The following ELN variants were observed in gnomAD, a reference collection of about 807,000 sequenced individuals.
ELN encodes the protein elastin.
Under a neutral mutation model 105.8 loss-of-function variants are expected in ELN, and 65 were observed. The ratio of observed to expected loss-of-function variants is 0.61; its 90% CI spans 0.50 to 0.75. ELN has a LOEUF of 0.75. Ranked by LOEUF, ELN falls within the 30% of genes least tolerant of loss-of-function variation. The probability of loss-of-function intolerance (pLI) is 0.00; values close to 1 mark genes in which losing one functional copy is unlikely to be tolerated. For synonymous variants in ELN, 368 were observed against 389.2 expected, an observed-to-expected ratio of 0.95 and a Z score of 0.64; for missense variants, 882 against 969.4, an observed-to-expected ratio of 0.91 and a Z score of 1.20.
At chr7:74,053,447 A>T (rs782006491) in intron 18 of ELN, 138 bp downstream of exon 18, 266 of 1,497,522 alleles carry the variant, frequency 1.8e-4, no homozygotes, top group Non-Finnish European at 2.1e-4. Context: ...ACCACGTCTC[A>T]TCCCCTCATC....
chr7:74,056,173 A>G, intron 19 of ELN, 98 bp from the exon 20 acceptor site: 1 of 1,520,496 alleles, frequency 6.6e-7, no homozygotes. Context: ...GGCCTGGGGG[A>G]AATTTACATC....
intron 15 of ELN, among the ~76,000 whole-genome samples, chr7:74,048,918 T>A (rs782333091): frequency 7.3e-5 from 11 of 151,052 alleles, no homozygotes; most frequent in Non-Finnish European, 1.3e-4. Context: ...CATCCATCCA[T>A]CCATTCCTCC....
At position 74,065,978 on chromosome 7, in the gene ELN, C is replaced by T. The variant is rs782657493; in HGVS notation, c.2067C>T (p.Ala689=). ...GCCTTGGAGGTGTCCTAGGGGGTGC[C>T]GGGCAGTTCCCACTTGGAGGTAGGG... ...AAGLGGVLGG[A]GQFPLGGVAA... Residue 689 remains alanine (A), a synonymous_variant, in exon 31 of 33, where the codon GCC becomes GCT. Coordinates refer to ENST00000252034, the MANE Select transcript of ELN (RefSeq NM_000501.4). 106 of 1,613,944 alleles carry T rather than the reference C, an allele frequency of 6.6e-5. No individual in the cohort carries two copies. Among genetic ancestry groups the T allele is most frequent in the South Asian group, 8.8e-5 (8 of 91,076 alleles).
In ELN at chr7:74,066,806, G is replaced by A. The variant is rs1554689654; in HGVS notation, c.2131+30G>A. The A allele has an allele frequency of 3.1e-6, 5 of 1,611,308 alleles. No homozygotes were observed. The East Asian group carries it at 8.9e-5, about 29-fold the overall frequency. ...GCCAGGCTCCCTGCCCCTGGGCCCTGCCCTGGAGCTGCAGCCACCTCCTCC... is the reference window on the plus strand; with the variant it reads ...GCCAGGCTCCCTGCCCCTGGGCCCTACCCTGGAGCTGCAGCCACCTCCTCC... On this transcript the variant is annotated intron_variant, in intron 32 of 32. Transcript: ENST00000252034.
At chr7:74,062,916 G>A (rs1442376673) in intron 26 of ELN, among the ~76,000 whole-genome samples, 2 of 152,148 alleles carry the variant, frequency 1.3e-5, no homozygotes, top group African/African-American at 2.4e-5. Context: ...CAGGAGGATC[G>A]CATGAGCCCA....
chr7:74,046,165 G>A (rs553790639), intron 10 of ELN, 23 bp from the exon 11 acceptor site: 1 of 1,614,266 alleles, frequency 6.2e-7, no homozygotes, highest in Non-Finnish European at 8.5e-7. Flanking sequence ...CAGGGCTGTA[G>A]TGACAGCTTT....
rs1583903771 is a variant in ELN, at chr7:74,056,263, C to T, written c.1151-8C>T. 6.2e-7 allele frequency: 1 copy of T among 1,614,246 alleles called. No individual in the cohort carries two copies. Among genetic ancestry groups the T allele is most frequent in the Non-Finnish European group, 8.5e-7 (1 of 1,180,042 alleles). On this transcript the variant is annotated splice_region_variant and splice_polypyrimidine_tract_variant and intron_variant, in intron 19 of 32. Transcript: ENST00000252034. ...CTTCTTTTCTACTTGGCTCCCTTCCCTCTGCAGGGGCCAGGCCCGGAGTCG... is the reference window on the plus strand; with the variant it reads ...CTTCTTTTCTACTTGGCTCCCTTCCTTCTGCAGGGGCCAGGCCCGGAGTCG...
intron 19 of ELN, among the ~76,000 whole-genome samples, chr7:74,055,705 C>T (rs1287969514): frequency 6.6e-6 from 1 of 151,950 alleles, no homozygotes; most frequent in Non-Finnish European, 1.5e-5. Context: ...GTCTCGAACT[C>T]CTGGACTCAA....
At chr7:74,061,217 A>G (rs1796569782) in intron 26 of ELN, 78 bp downstream of exon 26, 3 of 1,598,218 alleles carry the variant, frequency 1.9e-6, no homozygotes, top group South Asian at 2.2e-5. Flanking sequence ...GGTGGTCACA[A>G]TAGAAAAAGG....
At chr7:74,036,292 T>TA (rs1245662185) in intron 2 of ELN, among the ~76,000 whole-genome samples, 6 of 150,724 alleles carry the variant, frequency 4.0e-5, no homozygotes, top group Middle Eastern at 3.4e-3. Context: ...AGACTCCGTA[T>TA]AAAAAAAAAT....
chr7:74,038,031 C>T (rs555269698), intron 4 of ELN: 1 of 452,188 alleles, frequency 2.2e-6, no homozygotes, highest in African/African-American at 2.0e-5. Context: ...TCCAGAGACT[C>T]CTCTCTGCAA....
rs142370984 is a variant in ELN at position 74,028,256 on chromosome 7, C to A, written c.69C>A (p.Pro23=). 1 of 1,609,254 alleles carries A rather than the reference C, an allele frequency of 6.2e-7. No homozygotes were observed. Among genetic ancestry groups the A allele is most frequent in the Non-Finnish European group, 8.5e-7 (1 of 1,179,524 alleles). ...TGCTCCTGCTGTCCATCCTCCACCC[C>A]TCTCGGCCTGGAGGTAAGGACCCCT... ...VLLLLLSILH[P]SRPGGVPGAI... The change falls in exon 1 of 33, where the codon CCC becomes CCA. Residue 23 remains proline, a synonymous_variant. Transcript: ENST00000252034.
chr7:74,046,125 T>C (rs1309856513), intron 10 of ELN, 63 bp from the exon 11 acceptor site: 3 of 1,611,096 alleles, frequency 1.9e-6, no homozygotes, highest in South Asian at 1.1e-5. Context: ...CCTGGCCCCT[T>C]GGTGCTGTCT....
chr7:74,055,258 A>G (rs1283449835), intron 19 of ELN, among the ~76,000 whole-genome samples: 6 of 152,116 alleles, frequency 3.9e-5, no homozygotes, highest in African/African-American at 1.4e-4. Context: ...TGGGCAAAAT[A>G]GCAAGACCCT....
chr7:74,058,261 T>TTTCTCCTTCTTCTTCTTC lies in ELN; in HGVS notation c.1414+565_1414+566insTTCTCCTTCTTCTTCTTC, dbSNP rs1554681664. On this transcript the variant is annotated intron_variant, in intron 22 of 32. Coordinates refer to ENST00000252034, the MANE Select transcript of ELN (RefSeq NM_000501.4). ...CTTTTTCTCCTTCTTTCTTCTTCTT[T>TTTCTCCTTCTTCTTCTTC]CTCCTTCTTCTTCTTCTTCCTCTGC... Among the ~76,000 whole-genome samples, 59 of 61,322 alleles carry TTTCTCCTTCTTCTTCTTC rather than the reference T, an allele frequency of 9.6e-4. No homozygotes were observed. In the East Asian group the frequency reaches 0.017, roughly 18 times the overall value. The allele number at this position is 61,322 out of a possible 152,430, so 40.2% of individuals were successfully genotyped here.
In ELN at chr7:74,048,295, C is replaced by T. The variant is rs112460490; in HGVS notation, c.745+94C>T. The stretch of plus-strand genomic sequence containing the variant: ...GGGTGAGGTTCCCTCCTGAAAGCAG[C>T]AGCCCACCCTGCATCCAGACCCTGG... On this transcript the variant is annotated intron_variant, in intron 14 of 32. Coordinates refer to ENST00000252034, the MANE Select transcript of ELN (RefSeq NM_000501.4). 36 of 1,571,204 alleles carry T rather than the reference C, an allele frequency of 2.3e-5. 1 individual carries two copies. The highest frequency in any genetic ancestry group is 3.4e-4 in the Middle Eastern group (2 of 5,932).
intron 9 of ELN, 42 bp downstream of exon 9, chr7:74,043,962 C>A (rs1554670475): frequency 6.2e-7 from 1 of 1,612,328 alleles, no homozygotes; most frequent in Admixed American, 1.7e-5. Flanking sequence ...AGGAAGAAAG[C>A]AGCCAGGACG....
rs781805707 is a variant in ELN at position 74,046,708 on chromosome 7, T to C, written c.584T>C (p.Phe195Ser). The change falls in exon 12 of 33, where the codon TTT (phenylalanine) becomes TCT (serine). Residue 195 changes from phenylalanine to serine, a missense_variant. By Grantham distance (155) the Phe-to-Ser change is radical. Transcript: ENST00000252034. ...TTTATTCCCACAGGAGTTGGACCCTTTGGGGGACCGCAACCTGGAGTCCCA... is the reference window on the plus strand; with the variant it reads ...TTTATTCCCACAGGAGTTGGACCCTCTGGGGGACCGCAACCTGGAGTCCCA... ...AFAGIPGVGP[F>S]GGPQPGVPLG... 5 of 1,614,142 alleles carry C rather than the reference T, an allele frequency of 3.1e-6. No individual in the cohort carries two copies. Among genetic ancestry groups the C allele is most frequent in the Non-Finnish European group, 4.2e-6 (5 of 1,180,008 alleles).
chr7:74,047,110 AT>A (rs1563801844), intron 12 of ELN, among the ~76,000 whole-genome samples: 3 of 152,064 alleles, frequency 2.0e-5, no homozygotes, highest in Non-Finnish European at 4.4e-5. Context: ...GAAAAAAAAA[AT>A]GTACCACTCA....
Sources: allele counts gnomAD v4.1 joint callset (sites outside exome capture counted in the v4.1 genomes callset), GRCh38; gene constraint gnomAD v4.1.1; transcripts MANE v1.5; gene names NCBI Gene and HGNC (gene_info 2026-07-23, HGNC 2026-07-21).